VPS26C: variants seen among roughly 807,000 people sequenced by gnomAD.
The protein encoded by VPS26C is vacuolar protein sorting-associated protein 26C.
A neutral mutation model predicts 30.6 loss-of-function variants in VPS26C; 19 were observed. The observed-to-expected ratio is 0.62, with a 90% confidence interval of 0.43 to 0.91. The LOEUF is 0.91. VPS26C is among the 40% of genes least tolerant of loss of function. The pLI, the probability that VPS26C is intolerant of heterozygous loss-of-function variation, is 0.00. For synonymous variants in VPS26C, 132 were observed against 151.5 expected, an observed-to-expected ratio of 0.87 and a Z score of 0.95; for missense variants, 318 against 385.1, an observed-to-expected ratio of 0.83 and a Z score of 1.46.
Position 37,232,480 on chromosome 21 carries a change from T to C in VPS26C, c.433-29A>G, listed in dbSNP as rs116278074. On this transcript the variant is annotated intron_variant, in intron 4 of 7. Coordinates refer to ENST00000309117, the MANE Select transcript of VPS26C (RefSeq NM_006052.2). Reference sequence around the variant, plus strand: ...AAACGAGAGGTGAAACCGAAATCAGTAGGTGAAGGCCAAGAGTTCTGCAGG... The same window carrying C: ...AAACGAGAGGTGAAACCGAAATCAGCAGGTGAAGGCCAAGAGTTCTGCAGG... The C allele has an allele frequency of 9.9e-4, 1,569 of 1,584,370 alleles. 21 individuals carry two copies. In the African/African-American group the frequency reaches 0.019, roughly 19 times the overall value.
intron 1 of VPS26C, among the ~76,000 whole-genome samples, chr21:37,260,515 C>CT (rs2086293145): frequency 6.6e-6 from 1 of 152,084 alleles, no homozygotes; most frequent in South Asian, 2.1e-4. Context: ...GATTTCATCT[C>CT]TATCTTAATA....
Position 37,228,286 on chromosome 21 carries a change from C to T in VPS26C, c.595G>A (p.Val199Met). 6.2e-7 allele frequency: 1 copy of T among 1,614,196 alleles called. No individual in the cohort carries two copies. The highest frequency in any genetic ancestry group is 8.5e-7 in the Non-Finnish European group (1 of 1,180,048). The part of the protein sequence containing the change: ...ITQPLTGELV[V>M]ESSEAAIRSV... ...CTGATGGCGGCTTCCGAGCTCTCCA[C>T]CACCAGCTCTCCCGTTAGTGGCTGC... The change falls in exon 6 of 8, where the codon GTG (valine) becomes ATG (methionine). Residue 199 changes from valine (V) to methionine (M), a missense_variant. Transcript: ENST00000309117.
chr21:37,247,010 C>T (rs1882014525), intron 1 of VPS26C, among the ~76,000 whole-genome samples: 1 of 152,226 alleles, frequency 6.6e-6, no homozygotes, highest in African/African-American at 2.4e-5. Flanking sequence ...CTGCCTTGGC[C>T]TCCCAAAGTG....
intron 1 of VPS26C, 31 bp from the exon 2 acceptor site, chr21:37,240,670 T>G (rs1363504455): frequency 1.2e-6 from 2 of 1,605,016 alleles, no homozygotes; most frequent in Non-Finnish European, 8.5e-7. Context: ...ACCAATCAAA[T>G]TAGCATGCTT....
chr21:37,256,593 C>G (rs776525387), intron 1 of VPS26C, among the ~76,000 whole-genome samples: 3 of 152,126 alleles, frequency 2.0e-5, no homozygotes, highest in African/African-American at 7.2e-5. Flanking sequence ...TATTTTCTAT[C>G]ACCTTGGAAA....
In VPS26C at chr21:37,255,813, T is replaced by G. The variant is rs868263159; in HGVS notation, c.57+11425A>C. Among the ~76,000 whole-genome samples, 248 of 146,042 alleles carry G rather than the reference T, an allele frequency of 1.7e-3. 1 individual carries two copies. Among genetic ancestry groups the G allele is most frequent in the Middle Eastern group, 7.2e-3 (2 of 278 alleles). ...TTTTTGGCTTAAATGCTCCAGTAAA[T>G]AAAGGCAAAATATTTAAAGCCTCAT... is the stretch of plus-strand genomic sequence containing the variant. On this transcript the variant is annotated intron_variant, in intron 1 of 7. Transcript: ENST00000309117.
chr21:37,251,057 A>G (rs952838558), intron 1 of VPS26C, among the ~76,000 whole-genome samples: 1 of 152,174 alleles, frequency 6.6e-6, no homozygotes, highest in Non-Finnish European at 1.5e-5. Flanking sequence ...AATATGATAA[A>G]TAGCAATTAA....
At chr21:37,235,010 A>ATT (rs761855279) in intron 3 of VPS26C, among the ~76,000 whole-genome samples, 2 of 138,830 alleles carry the variant, frequency 1.4e-5, no homozygotes, top group Non-Finnish European at 3.1e-5. Flanking sequence ...TGGCTGGCTA[A>ATT]TTTTTTTTTT....
intron 1 of VPS26C, among the ~76,000 whole-genome samples, chr21:37,262,764 G>A (rs1036494233): frequency 1.3e-4 from 19 of 150,242 alleles, no homozygotes; most frequent in Non-Finnish European, 2.2e-4. Context: ...TCTGTAGCAC[G>A]TTAATTTTTT....
At chr21:37,264,014 T>C (rs2086332335) in intron 1 of VPS26C, among the ~76,000 whole-genome samples, 1 of 152,164 alleles carries the variant, frequency 6.6e-6, no homozygotes. Context: ...TCCTGCTACG[T>C]GAGGCTTGGA....
chr21:37,260,112 A>G (rs1275036117), intron 1 of VPS26C, among the ~76,000 whole-genome samples: 1 of 152,196 alleles, frequency 6.6e-6, no homozygotes, highest in East Asian at 1.9e-4. Context: ...AACTTCAAAT[A>G]TTTGCTATCA....
At chr21:37,234,409 G>A (rs1188644574) in intron 3 of VPS26C, among the ~76,000 whole-genome samples, 1 of 152,174 alleles carries the variant, frequency 6.6e-6, no homozygotes, top group Non-Finnish European at 1.5e-5. Flanking sequence ...CTACTGCAAG[G>A]TGAGCTCTAT....
chr21:37,256,053 C>G (rs1211079513), intron 1 of VPS26C, among the ~76,000 whole-genome samples: 1 of 152,064 alleles, frequency 6.6e-6, no homozygotes, highest in African/African-American at 2.4e-5. Context: ...TCAGGATGGT[C>G]TTGAACTCCT....
chr21:37,241,115 A>C (rs1363622870), intron 1 of VPS26C, among the ~76,000 whole-genome samples: 1 of 152,226 alleles, frequency 6.6e-6, no homozygotes, highest in Non-Finnish European at 1.5e-5. Context: ...ATGCATGAGT[A>C]ATTTAACACG....
In VPS26C at chr21:37,238,625, A is replaced by C; in HGVS notation, c.202-16T>G. 6.2e-7 allele frequency: 1 copy of C among 1,613,444 alleles called. No individual in the cohort carries two copies. Among genetic ancestry groups the C allele is most frequent in the Non-Finnish European group, 8.5e-7 (1 of 1,179,630 alleles). ...TCTGGATAGGCTGTAAACAAAAATC[A>C]GTTCAGTCCATCAGCACACACTTGG... On this transcript the variant is annotated splice_polypyrimidine_tract_variant and intron_variant, in intron 2 of 7. Transcript: ENST00000309117.
intron 2 of VPS26C, among the ~76,000 whole-genome samples, chr21:37,238,920 C>T (rs1402994627): frequency 6.6e-6 from 1 of 152,232 alleles, no homozygotes; most frequent in Non-Finnish European, 1.5e-5. Context: ...TCTTCAGGAT[C>T]AAGAAGCAGA....
chr21:37,228,505 C>T (rs765050899), intron 5 of VPS26C, 132 bp from the exon 6 acceptor site: 40 of 995,670 alleles, frequency 4.0e-5, no homozygotes, highest in Non-Finnish European at 5.4e-5. Context: ...TCTCACAAAA[C>T]GGGAAGAAAG....
intron 2 of VPS26C, among the ~76,000 whole-genome samples, chr21:37,239,808 G>A (rs2086066574): frequency 6.6e-6 from 1 of 152,154 alleles, no homozygotes; most frequent in Admixed American, 6.5e-5. Flanking sequence ...ATGTTAGCCA[G>A]GCTGGTCTCG....
At position 37,227,675 on chromosome 21, in the gene VPS26C, C is replaced by T; in HGVS notation, c.790G>A (p.Glu264Lys). 1 of 1,614,136 alleles carries T rather than the reference C, an allele frequency of 6.2e-7. No homozygotes were observed. Among genetic ancestry groups the T allele is most frequent in the East Asian group, 2.2e-5 (1 of 44,872 alleles). Reference protein sequence around the residue: ...FPRLFTCPTLETTNFKVEFEV... With the variant: ...FPRLFTCPTLKTTNFKVEFEV... ...TTACCCACTTTGAAGTTGGTGGTCT[C>T]CAGTGTAGGGCAGGTGAACAGCCTA... Residue 264 changes from glutamate (E) to lysine (K), a missense_variant, in exon 7 of 8, where the codon GAG (glutamate) becomes AAG (lysine). Physicochemically the swap from Glu to Lys is moderately conservative, Grantham distance 56 (BLOSUM62 1). Coordinates refer to ENST00000309117, the MANE Select transcript of VPS26C (RefSeq NM_006052.2).
Sources: gnomAD v4.1 joint callset for allele counts (sites outside exome capture counted in the v4.1 genomes callset) on GRCh38, gnomAD v4.1.1 for gene constraint, MANE v1.5 for transcripts, NCBI Gene and HGNC (gene_info 2026-07-23, HGNC 2026-07-21) for gene names.